ZNF695: variants seen among roughly 807,000 people sequenced by gnomAD.
ZNF695 encodes the protein zinc finger protein SBZF3.
In ZNF695, 11 loss-of-function variants were observed where a neutral mutation model predicts 11.2. The ratio of observed to expected loss-of-function variants is 0.98; its 90% CI spans 0.62 to 1.62. The LOEUF (loss-of-function observed/expected upper bound fraction) is 1.62. ZNF695 is among the 40% of genes most tolerant of loss of function. The probability of loss-of-function intolerance (pLI) is 0.00; values close to 1 mark genes in which losing one functional copy is unlikely to be tolerated. For synonymous variants in ZNF695, 190 were observed against 201.4 expected (o/e 0.94, Z 0.48); for missense variants, 559 against 590.5 (o/e 0.95, Z 0.55).
rs76329227 is a variant in ZNF695 at position 246,993,048 on chromosome 1, G to A, written c.260-4793C>T. 8.3e-3 allele frequency among the ~76,000 whole-genome samples: 1,261 copies of A among 152,280 alleles called. 23 individuals are homozygous for A. The highest frequency in any genetic ancestry group is 0.028 in the African/African-American group (1,147 of 41,546). On this transcript the variant is annotated intron_variant, in intron 3 of 3. Transcript: ENST00000339986. ...TATAGCAGATGAGAAACTGCAGTAC[G>A]AGAGATGGGCAACAGATATAACAAG...
exon 5 of ZNF695, chr1:246,967,743 C>G (rs1011535101): frequency 5.0e-6 from 2 of 400,376 alleles, no homozygotes; most frequent in Non-Finnish European, 9.8e-6. Flanking sequence ...CCTCAGGAAA[C>G]TTAGAATCAT....
Position 246,988,227 on chromosome 1 carries a change from A to G in ZNF695, c.288T>C (p.Ile96=), listed in dbSNP as rs1278685049. ...AAACTTGCAGGCCCTGCTCTGGCAA[A>G]ATGTCTTCAGTAAGATAAGAAGACA... The part of the protein sequence containing the change: ...SVLSSYLTED[I]LPEQGLQVSF... The change falls in exon 4 of 4, where the codon ATT becomes ATC. Residue 96 remains isoleucine (I), a synonymous_variant. Coordinates refer to ENST00000339986, the MANE Select transcript of ZNF695 (RefSeq NM_020394.5). 1.3e-5 allele frequency: 20 copies of G among 1,578,210 alleles called. No homozygotes were observed. The highest frequency in any genetic ancestry group is 1.7e-5 in the Non-Finnish European group (20 of 1,166,804).
intron 5 of ZNF695, among the ~76,000 whole-genome samples, chr1:246,965,700 G>A (rs933157751): frequency 1.2e-4 from 18 of 151,840 alleles, no homozygotes; most frequent in East Asian, 1.9e-4. Flanking sequence ...TCGTTCCACC[G>A]TACGACCATA....
intron 4 of ZNF695, among the ~76,000 whole-genome samples, chr1:246,970,509 A>G (rs1217575996): frequency 6.6e-6 from 1 of 152,238 alleles, no homozygotes; most frequent in South Asian, 2.1e-4. Context: ...CTATGTAAAG[A>G]GAGCTCCAGA....
rs895352215 is a variant in ZNF695 at position 247,008,033 on chromosome 1, C to T, written c.-125G>A. 8.8e-6 allele frequency: 10 copies of T among 1,134,930 alleles called. No individual in the cohort carries two copies. The highest frequency in any genetic ancestry group is 1.0e-5 in the Non-Finnish European group (9 of 860,990). The allele number at this position is 1,134,930 out of a possible 1,614,324, so 70.3% of individuals were successfully genotyped here. ...AGAGGCAGCAGACGGGAACCCAGCA[C>T]CCCGCCGGCCGCAAGGAGACAAAGG... On this transcript the variant is annotated 5_prime_UTR_variant, in exon 1 of 4. The change creates a new upstream start codon in the 5' untranslated region. Transcript: ENST00000339986.
chr1:246,963,925 T>C (rs1279178199), intron 5 of ZNF695, among the ~76,000 whole-genome samples: 1 of 152,220 alleles, frequency 6.6e-6, no homozygotes, highest in East Asian at 1.9e-4. Flanking sequence ...TGACAGGCTG[T>C]ACACTGGAGT....
chr1:246,983,507 T>C (rs1668766243), downstream of ZNF695, among the ~76,000 whole-genome samples: 3 of 151,754 alleles, frequency 2.0e-5, no homozygotes, highest in Admixed American at 2.0e-4. Flanking sequence ...ATAAATGACC[T>C]CAAACTCTCC....
chr1:246,993,626 C>T (rs756871083), intron 3 of ZNF695, among the ~76,000 whole-genome samples: 6 of 151,838 alleles, frequency 4.0e-5, no homozygotes, highest in Non-Finnish European at 7.4e-5. Context: ...GGGTACTTAA[C>T]GCCCCAAAAA....
intron 5 of ZNF695, among the ~76,000 whole-genome samples, chr1:246,957,685 G>A (rs1453513110): frequency 6.6e-6 from 1 of 152,232 alleles, no homozygotes; most frequent in South Asian, 2.1e-4. Context: ...GCCCAGGCTG[G>A]AGTGCAGTGG....
intron 3 of ZNF695, among the ~76,000 whole-genome samples, chr1:246,997,215 T>G (rs1669238706): frequency 6.6e-6 from 1 of 151,258 alleles, no homozygotes; most frequent in Admixed American, 6.6e-5. Flanking sequence ...AAGAAAGAAA[T>G]AAAAAGTCCA....
Position 246,986,786 on chromosome 1 carries a change from C to T in ZNF695, c.*181G>A, listed in dbSNP as rs754482248. 7.4e-5 allele frequency: 100 copies of T among 1,352,156 alleles called. No individual in the cohort carries two copies. The highest frequency in any genetic ancestry group is 3.8e-4 in the Admixed American group (11 of 29,214). 83.8% of individuals were successfully genotyped at this position (1,352,156 alleles called of 1,614,324 possible). On this transcript the variant is annotated 3_prime_UTR_variant, in exon 4 of 4. Coordinates refer to ENST00000339986, the MANE Select transcript of ZNF695 (RefSeq NM_020394.5). ...TGTGATATAAGTGGAGGTGTTGAACCGGTCTATTTGTATTGTTCGTAGCCT... is the reference window on the plus strand; with the variant it reads ...TGTGATATAAGTGGAGGTGTTGAACTGGTCTATTTGTATTGTTCGTAGCCT...
At chr1:246,975,096 G>GT (rs1668524197) in intron 4 of ZNF695, among the ~76,000 whole-genome samples, 1 of 152,006 alleles carries the variant, frequency 6.6e-6, no homozygotes, top group Admixed American at 6.6e-5. Context: ...TTAATTAGTT[G>GT]TTTTTGCATT....
At chr1:247,004,264 C>T (rs1669474411) in intron 1 of ZNF695, among the ~76,000 whole-genome samples, 2 of 152,028 alleles carry the variant, frequency 1.3e-5, no homozygotes, top group South Asian at 4.1e-4. Flanking sequence ...GGATTTATCC[C>T]AGGGATGCAA....
chr1:247,004,287 A>G (rs893726520), intron 1 of ZNF695, among the ~76,000 whole-genome samples: 2 of 152,196 alleles, frequency 1.3e-5, no homozygotes, highest in African/African-American at 4.8e-5. Context: ...ATGGTTCAAC[A>G]TATGTAAATC....
intron 5 of ZNF695, among the ~76,000 whole-genome samples, chr1:246,954,165 A>G (rs934152972): frequency 1.3e-5 from 2 of 152,166 alleles, no homozygotes; most frequent in Non-Finnish European, 2.9e-5. Context: ...TTTGTCCTCA[A>G]CTGTCTTGCC....
chr1:247,003,506 G>A (rs930955542), intron 1 of ZNF695, among the ~76,000 whole-genome samples: 11 of 152,096 alleles, frequency 7.2e-5, no homozygotes, highest in East Asian at 5.8e-4. Flanking sequence ...CATTATCTGC[G>A]TAATGAAATA....
At chr1:246,998,635 C>G (rs891443429) in intron 3 of ZNF695, among the ~76,000 whole-genome samples, 2 of 152,220 alleles carry the variant, frequency 1.3e-5, no homozygotes, top group African/African-American at 4.8e-5. Flanking sequence ...ATCACCACTA[C>G]TCTCACATGT....
intron 5 of ZNF695, among the ~76,000 whole-genome samples, chr1:246,964,383 A>G (rs1355160044): frequency 6.6e-6 from 1 of 152,148 alleles, no homozygotes; most frequent in African/African-American, 2.4e-5. Flanking sequence ...AGACGCTACT[A>G]TTACCCAGGA....
chr1:246,965,056 G>T (rs972617322), intron 5 of ZNF695, among the ~76,000 whole-genome samples: 22 of 151,994 alleles, frequency 1.4e-4, no homozygotes, highest in Non-Finnish European at 2.4e-4. Flanking sequence ...ATGGGAATCA[G>T]ACTGATGACT....
Sources: allele counts gnomAD v4.1 joint callset (sites outside exome capture counted in the v4.1 genomes callset), GRCh38; gene constraint gnomAD v4.1.1; transcripts MANE v1.5; gene names NCBI Gene and HGNC (gene_info 2026-07-23, HGNC 2026-07-21).